Variants in BRWD3 observed in about 807,000 individuals in gnomAD.
The protein encoded by BRWD3 is bromodomain and WD repeat domain containing 3.
BRWD3 carries 10 observed loss-of-function variants against 149.7 expected under a neutral mutation model. The ratio of observed to expected loss-of-function variants is 0.07; its 90% CI spans 0.04 to 0.11. The LOEUF (loss-of-function observed/expected upper bound fraction) is 0.11. Ranked by LOEUF, BRWD3 falls within the 10% of genes least tolerant of loss-of-function variation. The pLI is 1.00. For synonymous variants in BRWD3, 504 were observed against 456.7 expected (o/e 1.10, Z -1.32); for missense variants, 940 against 1,373.2 (o/e 0.68, Z 4.99).
At chrX:80,795,373 A>G (rs2074226511) in intron 4 of BRWD3, among the ~76,000 whole-genome samples, 1 of 110,133 alleles carries the variant, frequency 9.1e-6, no homozygotes. Flanking sequence ...ACACATGTGT[A>G]TATATACACA....
intron 6 of BRWD3, among the ~76,000 whole-genome samples, chrX:80,750,634 G>A (rs967162833): frequency 1.8e-5 from 2 of 111,456 alleles, no homozygotes; most frequent in Non-Finnish European, 3.8e-5. Flanking sequence ...TGGCAGCAAT[G>A]TAAATTGAAA....
chrX:80,772,992 T>C (rs752852770), intron 6 of BRWD3, among the ~76,000 whole-genome samples: 1 of 112,115 alleles, frequency 8.9e-6, no homozygotes, highest in South Asian at 3.7e-4. Flanking sequence ...TTACATAGTG[T>C]ATAATTCCAT....
Position 80,745,679 on chromosome X carries a change from T to C in BRWD3, c.481A>G (p.Ile161Val), listed in dbSNP as rs189868907. The C allele has an allele frequency of 8.3e-7, 1 of 1,207,623 alleles. No individual in the cohort carries two copies. The highest frequency in any genetic ancestry group is 1.8e-5 in the African/African-American group (1 of 57,056). The part of the protein sequence containing the change: ...QLTGCSRFGH[I>V]FPSSAYQHIK... The stretch of plus-strand genomic sequence containing the variant: ...TGCTGGTAAGCAGATGAAGGGAAAA[T>C]ATGACCAAAGCGACTACAGCCGGTT... Residue 161 changes from isoleucine to valine, a missense_variant, in exon 7 of 41, where the codon ATT (isoleucine) becomes GTT (valine). Around this residue, in one of 6 missense-constraint regions of BRWD3, gnomAD observed 105 missense variants for 127.7 expected, o/e 0.82. Transcript: ENST00000373275.
Position 80,674,975 on chromosome X carries a change from A to G in BRWD3, c.*1634T>C, listed in dbSNP as rs1466759448. On this transcript the variant is annotated 3_prime_UTR_variant, in exon 41 of 41. Transcript: ENST00000373275. ...GAAATATCCTGGGATAGCTAGGTAT[A>G]TACTAAGAAGTCTGTTTTATCCCAT... 4 of 111,963 alleles carry G rather than the reference A, an allele frequency of 3.6e-5. No individual in the cohort carries two copies. The highest frequency in any genetic ancestry group is 1.3e-4 in the African/African-American group (4 of 30,815). The allele number at this position is 111,963 out of a possible 1,213,427, so 9.2% of individuals were successfully genotyped here.
intron 24 of BRWD3, among the ~76,000 whole-genome samples, chrX:80,701,232 G>GT (rs1465939952): frequency 7.2e-5 from 8 of 110,419 alleles, no homozygotes; most frequent in Non-Finnish European, 1.5e-4. Context: ...ATTACAAAAA[G>GT]TTTCTTTTCC....
Position 80,691,818 on chromosome X carries a change from C to T in BRWD3, c.3481+5G>A. Reference sequence around the variant, plus strand: ...GCTCCTAAAATTTTTTCACATTCATCATACCCAGGGAAAGAAGGTGGTTGA... The same window carrying T: ...GCTCCTAAAATTTTTTCACATTCATTATACCCAGGGAAAGAAGGTGGTTGA... On this transcript the variant is annotated splice_donor_5th_base_variant and intron_variant, in intron 30 of 40. Transcript: ENST00000373275. 2 of 1,210,391 alleles carry T rather than the reference C, an allele frequency of 1.7e-6. No homozygotes were observed. Among genetic ancestry groups the T allele is most frequent in the Non-Finnish European group, 1.1e-6 (1 of 895,147 alleles).
chrX:80,722,496 G>A, intron 17 of BRWD3, 66 bp downstream of exon 17: 1 of 1,009,330 alleles, frequency 9.9e-7, no homozygotes, highest in Non-Finnish European at 1.4e-6. Context: ...ATACATCATA[G>A]AGAGAACAGC....
At chrX:80,719,939 A>G (rs770938787) in intron 17 of BRWD3, among the ~76,000 whole-genome samples, 61 of 111,513 alleles carry the variant, frequency 5.5e-4, no homozygotes, top group African/African-American at 1.9e-3. Flanking sequence ...TAAACCACAT[A>G]TACGACGGTA....
Position 80,693,182 on chromosome X carries a change from C to T in BRWD3, c.3152-131G>A, listed in dbSNP as rs1407847003. On this transcript the variant is annotated intron_variant, in intron 27 of 40. Coordinates refer to ENST00000373275, the MANE Select transcript of BRWD3 (RefSeq NM_153252.5). ...TATAAGAAGCTTCCATCTAGGTTTT[C>T]GGGATAAGTGATTATTTTACATTTT... is the stretch of plus-strand genomic sequence containing the variant. 1.1e-4 allele frequency: 54 copies of T among 485,130 alleles called. No individual in the cohort carries two copies. The South Asian group carries it at 1.3e-3, about 12-fold the overall frequency. The allele number at this position is 485,130 out of a possible 1,213,427, so 40.0% of individuals were successfully genotyped here. A position where few individuals can be genotyped will look rare whatever the true frequency, so the allele number is the denominator to read the frequency against.
At chrX:80,711,667 G>A (rs905643511) in intron 20 of BRWD3, among the ~76,000 whole-genome samples, 1 of 111,595 alleles carries the variant, frequency 9.0e-6, no homozygotes, top group Non-Finnish European at 1.9e-5. Context: ...TGAGAATCTC[G>A]GTCTCTAAAA....
intron 4 of BRWD3, among the ~76,000 whole-genome samples, chrX:80,799,167 T>C (rs1335740133): frequency 8.9e-6 from 1 of 112,019 alleles, no homozygotes; most frequent in African/African-American, 3.2e-5. Flanking sequence ...ATAACTGAAT[T>C]ACCATACTTC....
chrX:80,692,954 C>T lies in BRWD3; in HGVS notation c.3249G>A (p.Gln1083=), dbSNP rs775831154. The T allele has an allele frequency of 5.0e-6, 6 of 1,204,750 alleles. No individual in the cohort carries two copies. In the African/African-American group the frequency reaches 1.1e-4, roughly 21 times the overall value. ...AACATACTTACTGAACACTGTAACA[C>T]TGGAAAGAACTATCAGGATACTCTG... ...FQPEYPDSSF[Q]CYSVHWDNNE... Residue 1083 remains glutamine, a synonymous_variant, in exon 28 of 41, where the codon CAG becomes CAA. Transcript: ENST00000373275.
intron 6 of BRWD3, among the ~76,000 whole-genome samples, chrX:80,777,846 C>A (rs916773290): frequency 5.4e-5 from 6 of 111,154 alleles, no homozygotes; most frequent in Admixed American, 2.9e-4. Flanking sequence ...GAGGTGGGAT[C>A]CCACTTTGTT....
At chrX:80,716,041 A>G (rs1390291411) in intron 20 of BRWD3, 116 bp downstream of exon 20, 1 of 543,626 alleles carries the variant, frequency 1.8e-6, no homozygotes, top group African/African-American at 2.3e-5. Flanking sequence ...TAGGTTCCCT[A>G]TATGCAGATA....
At position 80,794,678 on chromosome X, in the gene BRWD3, A is replaced by G. The variant is rs186154614; in HGVS notation, c.181-906T>C. 4.7e-3 allele frequency among the ~76,000 whole-genome samples: 521 copies of G among 110,377 alleles called. 7 individuals carry two copies. The highest frequency in any genetic ancestry group is 5.1e-3 in the Non-Finnish European group (269 of 52,863). ...GTCACAAAATCAGCACATTTAAATG[A>G]TATGACAACATTTACATGGCATGGC... On this transcript the variant is annotated intron_variant, in intron 4 of 40. Transcript: ENST00000373275.
At chrX:80,796,351 G>C (rs904894300) in intron 4 of BRWD3, among the ~76,000 whole-genome samples, 1 of 110,538 alleles carries the variant, frequency 9.0e-6, no homozygotes, top group Non-Finnish European at 1.9e-5. Flanking sequence ...GGCTGGTCTC[G>C]AACTCCTGAC....
intron 23 of BRWD3, 102 bp from the exon 24 acceptor site, chrX:80,703,695 A>C: frequency 1.7e-6 from 1 of 581,089 alleles, no homozygotes; most frequent in Non-Finnish European, 2.7e-6. Context: ...AGAAGATTAA[A>C]AATTTCAGGT....
At chrX:80,772,439 C>G (rs775061527) in intron 6 of BRWD3, among the ~76,000 whole-genome samples, 1 of 110,370 alleles carries the variant, frequency 9.1e-6, no homozygotes, top group Non-Finnish European at 1.9e-5. Flanking sequence ...GGACACAGGG[C>G]GGGGAACATC....
intron 8 of BRWD3, 123 bp downstream of exon 8, chrX:80,743,909 G>A (rs1344938317): frequency 8.9e-6 from 5 of 559,096 alleles, no homozygotes; most frequent in Non-Finnish European, 2.9e-6. Context: ...TAGGAGCAAA[G>A]TCCAGAAGAG....
Sources: allele counts gnomAD v4.1 joint callset (sites outside exome capture counted in the v4.1 genomes callset), GRCh38; gene constraint gnomAD v4.1.1; regional missense constraint gnomAD v4.1.1; transcripts MANE v1.5; gene names NCBI Gene and HGNC (gene_info 2026-07-23, HGNC 2026-07-21).